Variants in ABCG1 observed in about 807,000 individuals in gnomAD.
ABCG1 encodes ATP binding cassette subfamily G member 1.
Under a neutral mutation model 69.2 loss-of-function variants are expected in ABCG1, and 29 were observed. That is an observed-to-expected ratio of 0.42 (90% confidence interval 0.31 to 0.57). The LOEUF (loss-of-function observed/expected upper bound fraction) is 0.57, where lower values mean the gene tolerates loss of function less well. ABCG1 is among the 20% of genes least tolerant of loss of function. The pLI is 0.15. For synonymous variants in ABCG1, 370 were observed against 374.8 expected (o/e 0.99, Z 0.15); for missense variants, 718 against 898.1 (o/e 0.80, Z 2.56).
intron 5 of ABCG1, among the ~76,000 whole-genome samples, chr21:42,278,141 G>A (rs4148123): frequency 0.4 from 60,701 of 151,840 alleles, 12,458 homozygotes; most frequent in Middle Eastern, 0.52. Flanking sequence ...ATGGATGAGT[G>A]GAAACCAAAA....
chr21:42,238,168 T>A (rs2068003254), intron 2 of ABCG1, among the ~76,000 whole-genome samples: 1 of 152,264 alleles, frequency 6.6e-6, no homozygotes, highest in South Asian at 2.1e-4. Context: ...TTTATTAGTC[T>A]GTGAGCAGTA....
chr21:42,268,063 C>T (rs1342879001), intron 2 of ABCG1, among the ~76,000 whole-genome samples: 3 of 152,174 alleles, frequency 2.0e-5, no homozygotes, highest in South Asian at 4.1e-4. Context: ...GCATCCTGCA[C>T]GGGGCTGATG....
Position 42,238,748 on chromosome 21 carries a change from C to T in ABCG1, c.286+12834C>T, listed in dbSNP as rs547930230. On this transcript the variant is annotated intron_variant, in intron 2 of 14. Coordinates refer to ENST00000398449, the MANE Select transcript of ABCG1 (RefSeq NM_016818.3). Reference sequence around the variant, plus strand: ...GGATGTGAGATGTTATCAGCTCCTGCGTGTTTTAGTCTTGTGGCTAGATGG... The same window carrying T: ...GGATGTGAGATGTTATCAGCTCCTGTGTGTTTTAGTCTTGTGGCTAGATGG... Among the ~76,000 whole-genome samples, 8 of 152,252 alleles carry T rather than the reference C, an allele frequency of 5.3e-5. No individual in the cohort carries two copies. The East Asian group carries it at 1.2e-3, about 22-fold the overall frequency.
intron 2 of ABCG1, among the ~76,000 whole-genome samples, chr21:42,206,705 C>T (rs1342286830): frequency 6.6e-6 from 1 of 152,188 alleles, no homozygotes; most frequent in Admixed American, 6.5e-5. Context: ...AATCCTCCTG[C>T]CTCAGCCTCT....
Position 42,291,334 on chromosome 21 carries a change from C to A in ABCG1, c.1494+142C>A. 4 of 1,190,156 alleles carry A rather than the reference C, an allele frequency of 3.4e-6. No individual in the cohort carries two copies. The highest frequency in any genetic ancestry group is 4.8e-6 in the Non-Finnish European group (4 of 838,754). The allele number at this position is 1,190,156 out of a possible 1,614,324, so 73.7% of individuals were successfully genotyped here. A position where few individuals can be genotyped will look rare whatever the true frequency, so the allele number is the denominator to read the frequency against. ...TCTGGTGGGAGCTGCGGGGAAGGGC[C>A]TGACTTCGGGAGCTGTGGCGGGAGC... On this transcript the variant is annotated intron_variant, in intron 12 of 14. Transcript: ENST00000398449. The surrounding 1 kb of genome is among the most constrained non-coding windows in gnomAD (Gnocchi z 6.4).
At chr21:42,216,617 G>A (rs1258576635), upstream of ABCG1, among the ~76,000 whole-genome samples, 1 of 152,174 alleles carries the variant, frequency 6.6e-6, no homozygotes, top group Non-Finnish European at 1.5e-5. Context: ...GAGACCACCT[G>A]GGGAGGCCAG....
rs1235394213 is a variant in ABCG1 at position 42,287,189 on chromosome 21, A to AG, written c.974-698dup. ...AGAGGGGTTGGGAGAAAGCAGATGT[A>AG]GGCAGAGGGAAGGAGGCCAGTCACC... is the stretch of plus-strand genomic sequence containing the variant. On this transcript the variant is annotated intron_variant, in intron 8 of 14. Coordinates refer to ENST00000398449, the MANE Select transcript of ABCG1 (RefSeq NM_016818.3). This position sits in a 1 kb window ranked among gnomAD's most constrained non-coding sequence, Gnocchi z 6.2. Among the ~76,000 whole-genome samples, 1 of 152,158 alleles carries AG rather than the reference A, an allele frequency of 6.6e-6. No homozygotes were observed. The highest frequency in any genetic ancestry group is 1.5e-5 in the Non-Finnish European group (1 of 68,018).
chr21:42,243,447 CGTGT>C (rs869095111), intron 2 of ABCG1, among the ~76,000 whole-genome samples: 10,112 of 81,358 alleles, frequency 0.12, 438 homozygotes, highest in South Asian at 0.19. Context: ...TGTGTGTGCG[CGTGT>C]GTGTGTGTGT....
At chr21:42,237,101 C>G (rs1188389536) in intron 2 of ABCG1, among the ~76,000 whole-genome samples, 3 of 152,198 alleles carry the variant, frequency 2.0e-5, no homozygotes, top group African/African-American at 7.2e-5. Flanking sequence ...AACCCAGCAG[C>G]CTTTCTCTGA....
At position 42,261,840 on chromosome 21, in the gene ABCG1, T is replaced by C. The variant is rs565595866; in HGVS notation, c.287-9230T>C. ...AGAACGCTGAGCTATCAGAGTAACA[T>C]TTGACATTTGGACAACCACAAAACA... On this transcript the variant is annotated intron_variant, in intron 2 of 14. Transcript: ENST00000398449. 1.7e-3 allele frequency among the ~76,000 whole-genome samples: 261 copies of C among 152,262 alleles called. 2 individuals carry two copies. Among genetic ancestry groups the C allele is most frequent in the African/African-American group, 6.1e-3 (254 of 41,540 alleles).
In ABCG1 at chr21:42,219,783, T is replaced by G; in HGVS notation, c.42+479T>G. On this transcript the variant is annotated intron_variant, in intron 1 of 14. Coordinates refer to ENST00000398449, the MANE Select transcript of ABCG1 (RefSeq NM_016818.3). This position sits in a 1 kb window ranked among gnomAD's most constrained non-coding sequence, Gnocchi z 5.3. ...ATCCCCAGGAACGCCAGGCAAGGTC[T>G]GGGGGAACAAAAGAGGAAGCTGCCC... The G allele has an allele frequency of 7.1e-7, 1 of 1,417,486 alleles. No homozygotes were observed. Among genetic ancestry groups the G allele is most frequent in the Non-Finnish European group, 9.2e-7 (1 of 1,087,546 alleles). The allele number at this position is 1,417,486 out of a possible 1,614,324, so 87.8% of individuals were successfully genotyped here.
At chr21:42,261,074 G>A (rs1202733898) in intron 2 of ABCG1, among the ~76,000 whole-genome samples, 1 of 152,084 alleles carries the variant, frequency 6.6e-6, no homozygotes, top group Non-Finnish European at 1.5e-5. Context: ...ACCCGCCTCG[G>A]CCTCCCAAAG....
At chr21:42,282,948 C>T (rs2068840376) in intron 6 of ABCG1, among the ~76,000 whole-genome samples, 1 of 152,214 alleles carries the variant, frequency 6.6e-6, no homozygotes, top group South Asian at 2.1e-4. Flanking sequence ...CGCTCTGACC[C>T]CTTTCCTGGG....
At chr21:42,215,079 G>A (rs184744862), upstream of ABCG1, among the ~76,000 whole-genome samples, 8 of 152,334 alleles carry the variant, frequency 5.3e-5, no homozygotes, top group African/African-American at 1.4e-4. Context: ...GACCAGCCTC[G>A]GCCCAGGTGG....
At chr21:42,264,126 C>A (rs1447786797) in intron 2 of ABCG1, among the ~76,000 whole-genome samples, 12 of 152,170 alleles carry the variant, frequency 7.9e-5, no homozygotes, top group Non-Finnish European at 1.3e-4. Context: ...CCCTGCTCAT[C>A]TGGGGTGCCT....
chr21:42,292,597 A>G (rs1349253576), intron 13 of ABCG1, among the ~76,000 whole-genome samples: 1 of 151,596 alleles, frequency 6.6e-6, no homozygotes, highest in Admixed American at 6.6e-5. Flanking sequence ...CACACAGACC[A>G]CACTACACAC....
chr21:42,254,481 A>C (rs538127324), intron 2 of ABCG1, among the ~76,000 whole-genome samples: 1 of 152,178 alleles, frequency 6.6e-6, no homozygotes, highest in Non-Finnish European at 1.5e-5. Context: ...AGAATCCCTC[A>C]CGTGTGTTTT....
At chr21:42,268,392 C>T (rs4919981) in intron 2 of ABCG1, among the ~76,000 whole-genome samples, 20,422 of 121,534 alleles carry the variant, frequency 0.17, 1,910 homozygotes, top group Middle Eastern at 0.38. Context: ...TGTGTGTGCG[C>T]GCGCGCGCTG....
At chr21:42,243,814 C>CTTTTTTT (rs11402831) in intron 2 of ABCG1, among the ~76,000 whole-genome samples, 17 of 94,222 alleles carry the variant, frequency 1.8e-4, no homozygotes, top group East Asian at 6.2e-4. Context: ...TTATCTTTGG[C>CTTTTTTT]TTTTTTTTTT....
Sources: gnomAD v4.1 joint callset for allele counts (sites outside exome capture counted in the v4.1 genomes callset) on GRCh38, gnomAD v4.1.1 for gene constraint, Gnocchi (gnomAD v3.1) non-coding constraint, MANE v1.5 for transcripts, NCBI Gene and HGNC (gene_info 2026-07-23, HGNC 2026-07-21) for gene names.